Variants in PPARGC1A observed in about 807,000 individuals in gnomAD.
The protein encoded by PPARGC1A is peroxisome proliferator-activated receptor gamma coactivator 1-alpha.
A neutral mutation model predicts 88.7 loss-of-function variants in PPARGC1A; 25 were observed. The ratio of observed to expected loss-of-function variants is 0.28; its 90% CI spans 0.21 to 0.39. The LOEUF (loss-of-function observed/expected upper bound fraction) is 0.39, where lower values mean the gene tolerates loss of function less well. Among genes scored for constraint, PPARGC1A ranks in the 10% least tolerant of loss-of-function variants. The pLI, the probability that PPARGC1A is intolerant of heterozygous loss-of-function variation, is 1.00. For missense variants in PPARGC1A, 880 were observed against 968.7 expected (o/e 0.91, Z 1.22); for synonymous variants, 363 against 355.6 (o/e 1.02, Z -0.24).
At chr4:24,472,489 GA>G in the PPARGC1A span, among the ~76,000 whole-genome samples, 15 of 150,002 alleles carry the variant, frequency 1.0e-4, no homozygotes, top group African/African-American at 2.4e-4. The surrounding 1 kb of genome is among the most constrained non-coding windows in gnomAD (Gnocchi z 4.5). Context: ...AATGAGGAAA[GA>G]AAAAAAAAGC....
At chr4:24,121,185 C>T in the PPARGC1A span, among the ~76,000 whole-genome samples, 2 of 152,208 alleles carry the variant, frequency 1.3e-5, no homozygotes, top group East Asian at 1.9e-4. Flanking sequence ...GTGGCCAGAG[C>T]TTACAGTCCA....
the PPARGC1A span, among the ~76,000 whole-genome samples, chr4:24,228,800 G>A: frequency 3.3e-5 from 5 of 152,112 alleles, no homozygotes; most frequent in African/African-American, 1.2e-4. Context: ...AACCAATTAA[G>A]GCTGTAACTT....
chr4:24,237,928 C>T, the PPARGC1A span, among the ~76,000 whole-genome samples: 2 of 152,172 alleles, frequency 1.3e-5, no homozygotes, highest in Non-Finnish European at 1.5e-5. Flanking sequence ...GTGATGTGCC[C>T]GGCACTCAGC....
At chr4:24,325,013 C>T in the PPARGC1A span, among the ~76,000 whole-genome samples, 1 of 152,188 alleles carries the variant, frequency 6.6e-6, no homozygotes, top group Admixed American at 6.5e-5. Flanking sequence ...CTCTGACTAG[C>T]CCTCCCCCAC....
intron 2 of PPARGC1A, among the ~76,000 whole-genome samples, chr4:23,844,576 G>T (rs1278349109): frequency 9.3e-6 from 1 of 107,664 alleles, no homozygotes; most frequent in East Asian, 2.4e-4. Flanking sequence ...ATTGTATATT[G>T]TTAATATATA....
chr4:24,145,312 C>T, the PPARGC1A span, among the ~76,000 whole-genome samples: 8,794 of 152,218 alleles, frequency 0.058, 735 homozygotes, highest in African/African-American at 0.18. Context: ...ACTTGTAACC[C>T]TCATAGCATG....
At chr4:24,325,681 G>GC in the PPARGC1A span, among the ~76,000 whole-genome samples, 1 of 152,186 alleles carries the variant, frequency 6.6e-6, no homozygotes, top group African/African-American at 2.4e-5. Flanking sequence ...GAAGACTGAC[G>GC]CTGCCCGATC....
chr4:23,878,109 T>C (rs1279455747), intron 2 of PPARGC1A, among the ~76,000 whole-genome samples: 1 of 152,140 alleles, frequency 6.6e-6, no homozygotes, highest in Non-Finnish European at 1.5e-5. Context: ...GCCCCAAAGA[T>C]ATCCAGGCAG....
the PPARGC1A span, among the ~76,000 whole-genome samples, chr4:24,470,277 G>GACACACACAGAC: frequency 9.0e-6 from 1 of 110,676 alleles, no homozygotes; most frequent in Non-Finnish European, 1.9e-5. The surrounding 1 kb of genome is among the most constrained non-coding windows in gnomAD (Gnocchi z 5.8). Context: ...GACAGACACA[G>GACACACACAGAC]ACACACACAC....
chr4:23,845,093 A>T (rs1260696356), intron 2 of PPARGC1A, among the ~76,000 whole-genome samples: 1 of 151,746 alleles, frequency 6.6e-6, no homozygotes, highest in African/African-American at 2.4e-5. Context: ...TATTTAACAA[A>T]CATCGCACAA....
chr4:23,862,768 G>T (rs1196717068), intron 2 of PPARGC1A, among the ~76,000 whole-genome samples: 10 of 152,132 alleles, frequency 6.6e-5, no homozygotes, highest in African/African-American at 2.4e-4. Flanking sequence ...CAAACTCAAA[G>T]CAAGAGAAAA....
chr4:23,904,101 C>A (rs570742057), upstream of PPARGC1A: 1 of 944,536 alleles, frequency 1.1e-6, no homozygotes, highest in African/African-American at 1.8e-5. Context: ...ACAAGGGCTT[C>A]GGCAGGCCAC....
chr4:23,963,862 C>T, the PPARGC1A span, among the ~76,000 whole-genome samples: 3 of 152,022 alleles, frequency 2.0e-5, no homozygotes, highest in Non-Finnish European at 2.9e-5. Context: ...AAGGAAGGAT[C>T]GGCCAGGGAG....
chr4:23,936,934 G>A, the PPARGC1A span, among the ~76,000 whole-genome samples: 1 of 152,076 alleles, frequency 6.6e-6, no homozygotes, highest in African/African-American at 2.4e-5. Flanking sequence ...TCCCAGAATG[G>A]AGCAAAGCAC....
chr4:23,924,385 CG>C, the PPARGC1A span, among the ~76,000 whole-genome samples: 115 of 152,244 alleles, frequency 7.6e-4, 1 homozygote, highest in African/African-American at 2.6e-3. Flanking sequence ...CCTAGCACTT[CG>C]GGAGGCCGAG....
At chr4:24,223,542 G>A in the PPARGC1A span, among the ~76,000 whole-genome samples, 8 of 152,288 alleles carry the variant, frequency 5.3e-5, no homozygotes, top group East Asian at 5.8e-4. Context: ...AAGCCACTGC[G>A]CCTGGCCCTT....
the PPARGC1A span, among the ~76,000 whole-genome samples, chr4:24,117,339 A>AATTC: frequency 6.6e-6 from 1 of 152,140 alleles, no homozygotes; most frequent in South Asian, 2.1e-4. Flanking sequence ...TAAGTGAAGG[A>AATTC]ATTCAGGTGA....
chr4:23,982,199 G>A, the PPARGC1A span, among the ~76,000 whole-genome samples: 1 of 151,984 alleles, frequency 6.6e-6, no homozygotes, highest in Non-Finnish European at 1.5e-5. Context: ...AGATACTATA[G>A]CAAAGATCTT....
At chr4:24,036,009 G>A in the PPARGC1A span, among the ~76,000 whole-genome samples, 3 of 152,130 alleles carry the variant, frequency 2.0e-5, no homozygotes, top group African/African-American at 7.2e-5. Context: ...TTAGAATGTG[G>A]ACTTTGGAAC....
Sources: allele counts gnomAD v4.1 joint callset (sites outside exome capture counted in the v4.1 genomes callset), GRCh38; gene constraint gnomAD v4.1.1; non-coding constraint Gnocchi (gnomAD v3.1); transcripts MANE v1.5; gene names NCBI Gene and HGNC (gene_info 2026-07-23, HGNC 2026-07-21).